Variants in PTPRD observed in about 807,000 individuals in gnomAD.
PTPRD encodes protein tyrosine phosphatase receptor type D.
A neutral mutation model predicts 214.5 loss-of-function variants in PTPRD; 34 were observed. The observed-to-expected ratio is 0.16, with a 90% confidence interval of 0.12 to 0.21. The LOEUF (loss-of-function observed/expected upper bound fraction) is 0.21. Among genes scored for constraint, PTPRD ranks in the 10% least tolerant of loss-of-function variants. The pLI is 1.00. For synonymous variants in PTPRD, 1,128 were observed against 845.7 expected (o/e 1.33, Z -5.79); for missense variants, 2,545 against 2,398.7 (o/e 1.06, Z -1.27).
At chr9:10,161,354 A>G (rs2099126124) in intron 3 of PTPRD, among the ~76,000 whole-genome samples, 1 of 151,872 alleles carries the variant, frequency 6.6e-6, no homozygotes, top group Admixed American at 6.6e-5. Flanking sequence ...AGACACATAC[A>G]TCAATGGAGC....
At chr9:10,148,684 A>G (rs997074677) in intron 3 of PTPRD, among the ~76,000 whole-genome samples, 3 of 152,142 alleles carry the variant, frequency 2.0e-5, no homozygotes, top group Admixed American at 1.3e-4. Flanking sequence ...GTCAATCTCA[A>G]TTTTGGCTGA....
intron 2 of PTPRD, among the ~76,000 whole-genome samples, chr9:10,596,247 G>C (rs1337976021): frequency 1.3e-5 from 2 of 151,570 alleles, no homozygotes; most frequent in Non-Finnish European, 3.0e-5. Context: ...TAAATCTCAG[G>C]TTCTTTAATA....
At chr9:8,348,977 G>A (rs940673843) in intron 39 of PTPRD, among the ~76,000 whole-genome samples, 3 of 151,974 alleles carry the variant, frequency 2.0e-5, no homozygotes, top group South Asian at 2.1e-4. Flanking sequence ...CAACAGCTTC[G>A]TTGTCTCTAC....
intron 8 of PTPRD, among the ~76,000 whole-genome samples, chr9:9,458,376 T>A (rs930127741): frequency 1.6e-4 from 25 of 152,222 alleles, no homozygotes; most frequent in African/African-American, 5.8e-4. Flanking sequence ...ACGTTTATTT[T>A]TTACTAACAT....
chr9:8,717,637 A>C (rs1419633389), intron 12 of PTPRD, among the ~76,000 whole-genome samples: 1 of 152,190 alleles, frequency 6.6e-6, no homozygotes, highest in Non-Finnish European at 1.5e-5. Context: ...CTTGAGAATA[A>C]ACTGAGGGGC....
At chr9:10,190,228 G>A (rs1025199131) in intron 3 of PTPRD, among the ~76,000 whole-genome samples, 1 of 151,322 alleles carries the variant, frequency 6.6e-6, no homozygotes, top group African/African-American at 2.4e-5. Context: ...TTAGCAGGGT[G>A]TGGTGCAGTG....
intron 8 of PTPRD, among the ~76,000 whole-genome samples, chr9:9,428,906 G>A (rs551984633): frequency 6.6e-6 from 1 of 152,338 alleles, no homozygotes; most frequent in South Asian, 2.1e-4. Flanking sequence ...TTAAAGCAGT[G>A]TGTAGAGGGA....
chr9:9,834,127 A>C (rs945156455), intron 5 of PTPRD, among the ~76,000 whole-genome samples: 110 of 152,076 alleles, frequency 7.2e-4, no homozygotes, highest in Non-Finnish European at 1.2e-3. Flanking sequence ...AGAAATTACA[A>C]AAGTATTAAT....
intron 7 of PTPRD, among the ~76,000 whole-genome samples, chr9:9,644,804 A>G (rs1434712001): frequency 6.6e-6 from 1 of 152,156 alleles, no homozygotes; most frequent in African/African-American, 2.4e-5. Context: ...CTTGGCAGAG[A>G]AGGAGAGAAG....
At chr9:9,436,210 A>T (rs1386250890) in intron 8 of PTPRD, among the ~76,000 whole-genome samples, 1 of 152,170 alleles carries the variant, frequency 6.6e-6, no homozygotes, top group African/African-American at 2.4e-5. Context: ...TCTTTAAAAA[A>T]GTATCTGCAT....
chr9:9,393,263 G>A (rs577890888), intron 9 of PTPRD, among the ~76,000 whole-genome samples: 1 of 152,196 alleles, frequency 6.6e-6, no homozygotes, highest in East Asian at 1.9e-4. Flanking sequence ...CATTAACTCT[G>A]GGTTTGTTCA....
At chr9:9,049,790 G>T (rs979300687) in intron 10 of PTPRD, among the ~76,000 whole-genome samples, 1 of 152,086 alleles carries the variant, frequency 6.6e-6, no homozygotes, top group Non-Finnish European at 1.5e-5. Context: ...TTTGAGTCCT[G>T]CCCTGGATGA....
At chr9:10,201,900 T>C (rs2099427334) in intron 3 of PTPRD, among the ~76,000 whole-genome samples, 1 of 103,204 alleles carries the variant, frequency 9.7e-6, no homozygotes, top group South Asian at 2.4e-4. Flanking sequence ...TTCAGTAAAC[T>C]TTTTTTTTTC....
chr9:9,025,099 T>C (rs1004521095), intron 10 of PTPRD, among the ~76,000 whole-genome samples: 10 of 152,094 alleles, frequency 6.6e-5, no homozygotes, highest in Non-Finnish European at 1.5e-4. Context: ...TTTTATTCAC[T>C]AGTCCATCAG....
chr9:9,189,649 G>A (rs772340707), intron 9 of PTPRD, among the ~76,000 whole-genome samples: 2 of 151,944 alleles, frequency 1.3e-5, no homozygotes, highest in Admixed American at 6.6e-5. Flanking sequence ...CAGAAGACAG[G>A]AACTGCTTTT....
chr9:10,383,093 A>G (rs1262803218), intron 2 of PTPRD, among the ~76,000 whole-genome samples: 1 of 151,884 alleles, frequency 6.6e-6, no homozygotes, highest in Admixed American at 6.6e-5. Context: ...AGGGACATGG[A>G]AACATATTGT....
At chr9:10,337,697 G>A (rs1034868320) in intron 3 of PTPRD, among the ~76,000 whole-genome samples, 1 of 151,578 alleles carries the variant, frequency 6.6e-6, no homozygotes, top group Non-Finnish European at 1.5e-5. Context: ...TTATGTGTCA[G>A]GAACTTTACC....
At chr9:10,362,535 C>T (rs750137368) in intron 2 of PTPRD, among the ~76,000 whole-genome samples, 10 of 152,050 alleles carry the variant, frequency 6.6e-5, no homozygotes, top group Non-Finnish European at 1.2e-4. Context: ...CTCTTACACA[C>T]GAATTTTCTC....
intron 11 of PTPRD, among the ~76,000 whole-genome samples, chr9:8,827,426 G>T (rs2097198333): frequency 6.6e-6 from 1 of 152,148 alleles, no homozygotes; most frequent in Admixed American, 6.6e-5. Flanking sequence ...GGGCAACATG[G>T]TGAAACCCCA....
Sources: allele counts gnomAD v4.1 joint callset (sites outside exome capture counted in the v4.1 genomes callset), GRCh38; gene constraint gnomAD v4.1.1; transcripts MANE v1.5; gene names NCBI Gene and HGNC (gene_info 2026-07-23, HGNC 2026-07-21).